The following ADAM17 variants were observed in gnomAD, a reference collection of about 807,000 sequenced individuals.
The protein encoded by ADAM17 is disintegrin and metalloproteinase domain-containing protein 17.
ADAM17 carries 39 observed loss-of-function variants against 96.7 expected under a neutral mutation model. The ratio of observed to expected loss-of-function variants is 0.40; its 90% CI spans 0.31 to 0.53. The LOEUF (loss-of-function observed/expected upper bound fraction) is 0.53. Ranked by LOEUF, ADAM17 falls within the 20% of genes least tolerant of loss-of-function variation. The pLI, the probability that ADAM17 is intolerant of heterozygous loss-of-function variation, is 0.44. For missense variants in ADAM17, 777 were observed against 1,013.2 expected, an observed-to-expected ratio of 0.77 and a Z score of 3.17; for synonymous variants, 344 against 359.2, an observed-to-expected ratio of 0.96 and a Z score of 0.48.
At chr2:9,494,864 A>G in intron 14 of ADAM17, 97 bp from the exon 15 acceptor site, 1 of 1,452,840 alleles carries the variant, frequency 6.9e-7, no homozygotes, top group Non-Finnish European at 9.3e-7. Context: ...CAAAGAGGTA[A>G]GAAATCACAT....
intron 4 of ADAM17, among the ~76,000 whole-genome samples, chr2:9,531,821 C>T (rs899091651): frequency 2.0e-5 from 3 of 150,874 alleles, no homozygotes; most frequent in African/African-American, 4.9e-5. Flanking sequence ...TTAACGGCTG[C>T]GCACAGTGGC....
At chr2:9,502,003 C>T (rs1469493731) in intron 13 of ADAM17, among the ~76,000 whole-genome samples, 170 bp downstream of exon 13, 1 of 151,544 alleles carries the variant, frequency 6.6e-6, no homozygotes, top group Non-Finnish European at 1.5e-5. Flanking sequence ...AGAAACAGGT[C>T]TTAAACCCAC....
In ADAM17 at chr2:9,536,699, A is replaced by G; in HGVS notation, c.360T>C (p.Val120=). The G allele has an allele frequency of 1.2e-6, 2 of 1,614,024 alleles. No homozygotes were observed. The highest frequency in any genetic ancestry group is 4.5e-5 in the East Asian group (2 of 44,860). Residue 120 remains valine (V), a splice_region_variant and synonymous_variant, in exon 3 of 19, where the codon GTT becomes GTC. Coordinates refer to ENST00000310823, the MANE Select transcript of ADAM17 (RefSeq NM_003183.6). ...KWQDFFTGHV[V]GEPDSRVLAH... Reference sequence around the variant, plus strand: ...CAAACCAACAAGCTCCATACTAACCAACCACGTGTCCAGTGAAGAAGTCCT... The same window carrying G: ...CAAACCAACAAGCTCCATACTAACCGACCACGTGTCCAGTGAAGAAGTCCT...
At chr2:9,545,211 A>G (rs1158711693) in intron 1 of ADAM17, among the ~76,000 whole-genome samples, 1 of 152,194 alleles carries the variant, frequency 6.6e-6, no homozygotes, top group Non-Finnish European at 1.5e-5. Context: ...AAATCCGCCC[A>G]GTGGGATCCA....
chr2:9,539,414 T>A (rs1665119293), intron 2 of ADAM17, among the ~76,000 whole-genome samples: 1 of 152,112 alleles, frequency 6.6e-6, no homozygotes, highest in African/African-American at 2.4e-5. Flanking sequence ...CACGCCTAGC[T>A]GATAATTTCT....
At chr2:9,551,983 A>C (rs1402234177) in intron 1 of ADAM17, among the ~76,000 whole-genome samples, 1 of 152,192 alleles carries the variant, frequency 6.6e-6, no homozygotes, top group Admixed American at 6.5e-5. Context: ...ACTAACAGTG[A>C]AAAAATCGTG....
At chr2:9,548,149 G>A (rs1162774877) in intron 1 of ADAM17, among the ~76,000 whole-genome samples, 4 of 151,786 alleles carry the variant, frequency 2.6e-5, no homozygotes, top group African/African-American at 9.7e-5. Flanking sequence ...CCTGGCCAAC[G>A]TGGCAAAACC....
chr2:9,554,925 C>A (rs1360069340), intron 1 of ADAM17, among the ~76,000 whole-genome samples: 1 of 152,184 alleles, frequency 6.6e-6, no homozygotes, highest in Non-Finnish European at 1.5e-5. Context: ...ATCTCCCAAG[C>A]ACCTCCAATA....
At chr2:9,495,016 C>A (rs1662462327) in intron 14 of ADAM17, among the ~76,000 whole-genome samples, 1 of 152,194 alleles carries the variant, frequency 6.6e-6, no homozygotes, top group South Asian at 2.1e-4. Context: ...GATTCAAGAC[C>A]TCTCTTCAAA....
intron 15 of ADAM17, among the ~76,000 whole-genome samples, 156 bp downstream of exon 15, chr2:9,494,481 G>A (rs532998050): frequency 3.3e-5 from 5 of 152,234 alleles, no homozygotes; most frequent in South Asian, 2.1e-4. Context: ...AAAGCACTCC[G>A]TCTTCTCCTC....
rs528986926 is a variant in ADAM17, at chr2:9,497,003, C to T, written c.1783+111G>A. The T allele has an allele frequency of 9.3e-6, 14 of 1,501,374 alleles. No homozygotes were observed. In the East Asian group the frequency reaches 2.3e-4, roughly 25 times the overall value. 93.0% of individuals were successfully genotyped at this position (1,501,374 alleles called of 1,614,324 possible). On this transcript the variant is annotated intron_variant, in intron 14 of 18. Transcript: ENST00000310823. Reference sequence around the variant, plus strand: ...CCCTTCCCCATCCCCTCATCCTCGGCTTGGATCTCACCACTGCTGTCATTC... The same window carrying T: ...CCCTTCCCCATCCCCTCATCCTCGGTTTGGATCTCACCACTGCTGTCATTC...
chr2:9,507,222 G>A (rs191980386), intron 11 of ADAM17, among the ~76,000 whole-genome samples: 8 of 152,286 alleles, frequency 5.3e-5, no homozygotes, highest in Non-Finnish European at 1.0e-4. Flanking sequence ...GGGCACAGCA[G>A]CTCATGCCTG....
intron 1 of ADAM17, among the ~76,000 whole-genome samples, chr2:9,546,847 C>A (rs781745853): frequency 8.6e-5 from 13 of 151,910 alleles, no homozygotes. Flanking sequence ...GTAGCTGGGA[C>A]TACAGGTGCA....
intron 2 of ADAM17, among the ~76,000 whole-genome samples, chr2:9,539,135 T>A (rs1227298294): frequency 6.7e-6 from 1 of 148,830 alleles, no homozygotes; most frequent in Non-Finnish European, 1.5e-5. Flanking sequence ...TGAGACGGAG[T>A]CTCACTCTGT....
In ADAM17 at chr2:9,489,083, A is replaced by C. The variant is rs1234710448; in HGVS notation, c.*1094T>G. ...TTCTGAAGTATCAAGTCTTGTGGGG[A>C]CAGCCCCCAACCCTAAGGGCAGGTA... On this transcript the variant is annotated 3_prime_UTR_variant, in exon 19 of 19. Coordinates refer to ENST00000310823, the MANE Select transcript of ADAM17 (RefSeq NM_003183.6). 6.6e-6 allele frequency: 1 copy of C among 152,156 alleles called. No individual in the cohort carries two copies. Among genetic ancestry groups the C allele is most frequent in the African/African-American group, 2.4e-5 (1 of 41,420 alleles). 9.4% of individuals were successfully genotyped at this position (152,156 alleles called of 1,614,324 possible).
intron 4 of ADAM17, among the ~76,000 whole-genome samples, chr2:9,532,638 AT>A (rs70948827): frequency 0.11 from 12,456 of 114,078 alleles, 433 homozygotes; most frequent in Non-Finnish European, 0.14. Context: ...TGCCCAGCTA[AT>A]TTTTTTTTTT....
chr2:9,490,896 C>T (rs1001881904), intron 18 of ADAM17, among the ~76,000 whole-genome samples: 1 of 152,158 alleles, frequency 6.6e-6, no homozygotes, highest in Admixed American at 6.5e-5. Context: ...GGGGACAGCA[C>T]AGCTCTTTAA....
At chr2:9,555,442 C>A in intron 1 of ADAM17, 67 bp downstream of exon 1, 2 of 1,367,854 alleles carry the variant, frequency 1.5e-6, no homozygotes, top group Non-Finnish European at 2.0e-6. Flanking sequence ...ATAGACCCAG[C>A]TCCCCTGCTC....
chr2:9,493,001 A>C lies in ADAM17; in HGVS notation c.1994-15T>G. On this transcript the variant is annotated splice_polypyrimidine_tract_variant and intron_variant, in intron 16 of 18. Transcript: ENST00000310823. ...TAAAAACTTTCCTGTGAACAATTCC[A>C]AACAGTTAATGTCTTGACCAAGTAC... The C allele has an allele frequency of 6.3e-7, 1 of 1,599,820 alleles. No individual in the cohort carries two copies. The highest frequency in any genetic ancestry group is 8.5e-7 in the Non-Finnish European group (1 of 1,170,994).
Sources: gnomAD v4.1 joint callset for allele counts (sites outside exome capture counted in the v4.1 genomes callset) on GRCh38, gnomAD v4.1.1 for gene constraint, MANE v1.5 for transcripts, NCBI Gene and HGNC (gene_info 2026-07-23, HGNC 2026-07-21) for gene names.